The following CPA3 variants were observed in gnomAD, a reference collection of about 807,000 sequenced individuals.
CPA3 encodes carboxypeptidase A3.
A neutral mutation model predicts 55.8 loss-of-function variants in CPA3; 52 were observed. The observed-to-expected ratio is 0.93, with a 90% CI of 0.75 to 1.17. CPA3 has a LOEUF of 1.17. Among genes scored for constraint, CPA3 ranks in the 50% most tolerant of loss-of-function variants. The pLI is 0.00. For missense variants in CPA3, 547 were observed against 509.1 expected (o/e 1.07, Z -0.72); for synonymous variants, 179 against 171.2 (o/e 1.05, Z -0.36).
Position 148,868,978 on chromosome 3 carries a change from G to A in CPA3, c.208G>A (p.Val70Ile), listed in dbSNP as rs757019989. ...VAANMMVDFR[V>I]SEKESQAIQS... ...TGCTAATATGATGGTGGATTTCCGA[G>A]TTAGTGAGAAGGAATCCCAAGCCAT... The change falls in exon 3 of 11, where the codon GTT becomes ATT. Residue 70 changes from valine (V) to isoleucine (I), a missense_variant. Physicochemically the swap from Val to Ile is conservative, Grantham distance 29 (BLOSUM62 3). Transcript: ENST00000296046. 3 of 1,614,072 alleles carry A rather than the reference G, an allele frequency of 1.9e-6. No individual in the cohort carries two copies. Among genetic ancestry groups the A allele is most frequent in the Non-Finnish European group, 2.5e-6 (3 of 1,179,968 alleles).
Position 148,865,536 on chromosome 3 carries a change from C to A in CPA3, c.132C>A (p.Ala44=). The A allele has an allele frequency of 6.2e-7, 1 of 1,613,760 alleles. No homozygotes were observed. Among genetic ancestry groups the A allele is most frequent in the Non-Finnish European group, 8.5e-7 (1 of 1,179,790 alleles). Residue 44 remains alanine, a synonymous_variant, in exon 2 of 11, where the codon GCC becomes GCA. Coordinates refer to ENST00000296046, the MANE Select transcript of CPA3 (RefSeq NM_001870.4). ...EKQADIIKDL[A]KTNELDFWYP... ...AAGCAGACATCATAAAGGACTTGGC[C>A]AAAACCAATGAGGTAAGCATTTAGA... is the stretch of plus-strand genomic sequence containing the variant.
At chr3:148,885,596 G>C (rs1177847873) in intron 9 of CPA3, among the ~76,000 whole-genome samples, 1 of 151,592 alleles carries the variant, frequency 6.6e-6, no homozygotes, top group Non-Finnish European at 1.5e-5. Flanking sequence ...ATTTTTAGTA[G>C]AGACGGGGTT....
At chr3:148,889,703 C>T (rs556202733) in intron 10 of CPA3, among the ~76,000 whole-genome samples, 2 of 151,980 alleles carry the variant, frequency 1.3e-5, no homozygotes, top group South Asian at 4.2e-4. Context: ...AACCCCATCT[C>T]TACTAAAAAT....
chr3:148,890,625 G>C (rs1308697193), intron 10 of CPA3, among the ~76,000 whole-genome samples: 1 of 152,090 alleles, frequency 6.6e-6, no homozygotes, highest in African/African-American at 2.4e-5. Context: ...TCTGGCTTCA[G>C]CTCTTGCTTC....
At chr3:148,895,926 A>G (rs2108042021) in intron 10 of CPA3, among the ~76,000 whole-genome samples, 1 of 152,314 alleles carries the variant, frequency 6.6e-6, no homozygotes, top group African/African-American at 2.4e-5. Context: ...TATAACCTTT[A>G]GATGTGTGTT....
intron 2 of CPA3, among the ~76,000 whole-genome samples, chr3:148,866,200 G>A (rs1262693332): frequency 6.6e-6 from 1 of 152,150 alleles, no homozygotes; most frequent in African/African-American, 2.4e-5. Context: ...AAATGACCAA[G>A]ATTACACATC....
chr3:148,896,431 T>C, intron 10 of CPA3, 89 bp from the exon 11 acceptor site: 3 of 1,138,272 alleles, frequency 2.6e-6, no homozygotes, highest in Non-Finnish European at 3.7e-6. Context: ...ATAACTATTT[T>C]TTATTGCTAA....
chr3:148,877,871 T>C (rs1458447720), intron 3 of CPA3, among the ~76,000 whole-genome samples: 1 of 152,192 alleles, frequency 6.6e-6, no homozygotes, highest in Non-Finnish European at 1.5e-5. Flanking sequence ...TCTGTAGATG[T>C]GTGCATGAAA....
Position 148,886,089 on chromosome 3 carries a change from C to A in CPA3, c.982-4C>A. 1 of 1,609,660 alleles carries A rather than the reference C, an allele frequency of 6.2e-7. No homozygotes were observed. Among genetic ancestry groups the A allele is most frequent in the Non-Finnish European group, 8.5e-7 (1 of 1,176,420 alleles). On this transcript the variant is annotated splice_region_variant and splice_polypyrimidine_tract_variant and intron_variant, in intron 9 of 10. Transcript: ENST00000296046. ...ATTTCACTCTAACTTTCCTTTCTCTCCAGGCCAAAGTTGCAAAGATTGGCA... is the reference window on the plus strand; with the variant it reads ...ATTTCACTCTAACTTTCCTTTCTCTACAGGCCAAAGTTGCAAAGATTGGCA...
Position 148,878,710 on chromosome 3 carries a change from G to A in CPA3, c.436G>A (p.Gly146Arg). ...YPEMVSRIKIGSTVEDNPLYV... is the reference protein window; with the variant it reads ...YPEMVSRIKIRSTVEDNPLYV... ...TGAAATGGTCTCTCGTATTAAAATT[G>A]GATCTACTGTTGAAGATAATCCACT... The change falls in exon 5 of 11, where the codon GGA (glycine) becomes AGA (arginine). Residue 146 changes from glycine to arginine, a missense_variant. By Grantham distance (125) the Gly-to-Arg change is moderately radical (BLOSUM62 -2). Transcript: ENST00000296046. 1.2e-6 allele frequency: 2 copies of A among 1,610,326 alleles called. No individual in the cohort carries two copies. The highest frequency in any genetic ancestry group is 2.2e-5 in the East Asian group (1 of 44,742).
chr3:148,886,736 AT>A (rs988432973), intron 10 of CPA3, among the ~76,000 whole-genome samples: 3 of 151,996 alleles, frequency 2.0e-5, no homozygotes, highest in African/African-American at 4.8e-5. Flanking sequence ...TAGAGTCTAC[AT>A]TTTTTTTAAC....
Position 148,882,624 on chromosome 3 carries a change from A to ACC in CPA3, c.778+29_778+30insCC. ...AGTAGCAGACTTGCTATCAAGGAAA[A>ACC]TTGCTATAAGGAATATTTAGGTCCC... On this transcript the variant is annotated intron_variant, in intron 8 of 10. Coordinates refer to ENST00000296046, the MANE Select transcript of CPA3 (RefSeq NM_001870.4). 4 of 1,579,912 alleles carry ACC rather than the reference A, an allele frequency of 2.5e-6. No homozygotes were observed. In the East Asian group the frequency reaches 9.0e-5, roughly 35 times the overall value.
chr3:148,872,570 A>G (rs1714095997), intron 3 of CPA3, among the ~76,000 whole-genome samples: 1 of 152,240 alleles, frequency 6.6e-6, no homozygotes, highest in South Asian at 2.1e-4. Flanking sequence ...CCTAATATTA[A>G]TGTCTAACTG....
In CPA3 at chr3:148,882,461, G is replaced by A; in HGVS notation, c.688-44G>A. 5.9e-6 allele frequency: 9 copies of A among 1,527,982 alleles called. No individual in the cohort carries two copies. The Middle Eastern group carries it at 1.4e-3, about 229-fold the overall frequency. The allele number at this position is 1,527,982 out of a possible 1,614,324, so 94.7% of individuals were successfully genotyped here. A position where few individuals can be genotyped will look rare whatever the true frequency, so the allele number is the denominator to read the frequency against. On this transcript the variant is annotated intron_variant, in intron 7 of 10. Transcript: ENST00000296046. ...ATTTGAAATGATCAAATTGAAAAAT[G>A]CAAACTGATCTTGTGTAAACACTTA... is the stretch of plus-strand genomic sequence containing the variant.
chr3:148,894,477 A>G (rs1386962299), intron 10 of CPA3, among the ~76,000 whole-genome samples: 2 of 152,116 alleles, frequency 1.3e-5, no homozygotes, highest in South Asian at 2.1e-4. Flanking sequence ...CAAAAAAAAA[A>G]AAAGAAATAA....
At chr3:148,886,214 T>C (rs1690849379) in intron 10 of CPA3, 37 bp downstream of exon 10, 2 of 1,404,370 alleles carry the variant, frequency 1.4e-6, no homozygotes, top group Non-Finnish European at 2.0e-6. Flanking sequence ...CCCTTTTCCC[T>C]AATTATTTTT....
chr3:148,893,966 T>C (rs1324448541), intron 10 of CPA3, among the ~76,000 whole-genome samples: 2 of 152,290 alleles, frequency 1.3e-5, no homozygotes, highest in South Asian at 2.1e-4. Context: ...GACATTCTCA[T>C]ACAAAGGGAA....
At chr3:148,885,230 G>T (rs1275030415) in intron 9 of CPA3, among the ~76,000 whole-genome samples, 1 of 151,840 alleles carries the variant, frequency 6.6e-6, no homozygotes, top group Non-Finnish European at 1.5e-5. Context: ...GTAAAACATG[G>T]AAGAAAATGG....
At chr3:148,876,908 T>C (rs1172605776) in intron 3 of CPA3, among the ~76,000 whole-genome samples, 1 of 152,230 alleles carries the variant, frequency 6.6e-6, no homozygotes, top group Non-Finnish European at 1.5e-5. Context: ...GCAGTTTGTA[T>C]TCAAATTCCC....
Sources: gnomAD v4.1 joint callset for allele counts (sites outside exome capture counted in the v4.1 genomes callset) on GRCh38, gnomAD v4.1.1 for gene constraint, MANE v1.5 for transcripts, NCBI Gene and HGNC (gene_info 2026-07-23, HGNC 2026-07-21) for gene names.